The following UNC5B variants were observed in gnomAD, a reference collection of about 807,000 sequenced individuals.
The protein encoded by UNC5B is netrin receptor UNC5B.
In UNC5B, 56 loss-of-function variants were observed where a neutral mutation model predicts 103.7. The observed-to-expected ratio is 0.54, with a 90% confidence interval of 0.44 to 0.67. The LOEUF (loss-of-function observed/expected upper bound fraction) is 0.67, where lower values mean the gene tolerates loss of function less well. UNC5B is among the 30% of genes least tolerant of loss of function. UNC5B has a pLI of 0.00. For synonymous variants in UNC5B, 577 were observed against 542.0 expected (o/e 1.06, Z -0.90); for missense variants, 1,194 against 1,284.5 (o/e 0.93, Z 1.08).
chr10:71,288,535 GTGCACATGCTCCTGTA>G lies in UNC5B; in HGVS notation c.902-29_902-14del. On this transcript the variant is annotated splice_polypyrimidine_tract_variant and intron_variant, in intron 6 of 16. Transcript: ENST00000335350. ...TAACTATGTGTGCACATGTCTCTGC[GTGCACATGCTCCTGTA>G]TGCCATGCTCTTACAGTCGATGGGG... 1 of 1,599,406 alleles carries G rather than the reference GTGCACATGCTCCTGTA, an allele frequency of 6.3e-7. No individual in the cohort carries two copies. The highest frequency in any genetic ancestry group is 8.5e-7 in the Non-Finnish European group (1 of 1,169,932).
Position 71,222,332 on chromosome 10 carries a change from C to G in UNC5B, c.79+9268C>G, listed in dbSNP as rs1017136307. ...CAGAGGTCTCTTAGTGGAAAGAGCCCCAGCCTTTAGGATTTGAATCTTCCA... is the reference window on the plus strand; with the variant it reads ...CAGAGGTCTCTTAGTGGAAAGAGCCGCAGCCTTTAGGATTTGAATCTTCCA... On this transcript the variant is annotated intron_variant, in intron 1 of 16. Coordinates refer to ENST00000335350, the MANE Select transcript of UNC5B (RefSeq NM_170744.5). Among the ~76,000 whole-genome samples the G allele has an allele frequency of 5.3e-5, 8 of 150,688 alleles. No individual in the cohort carries two copies. In the East Asian group the frequency reaches 1.6e-3, roughly 29 times the overall value.
intron 1 of UNC5B, among the ~76,000 whole-genome samples, chr10:71,214,051 T>G (rs940623582): frequency 2.0e-5 from 3 of 152,104 alleles, no homozygotes; most frequent in African/African-American, 7.2e-5. Flanking sequence ...CCAGCCTCTC[T>G]CTGGTACCCG....
chr10:71,265,001 C>T (rs1211144033), intron 1 of UNC5B, among the ~76,000 whole-genome samples: 4 of 146,738 alleles, frequency 2.7e-5, no homozygotes, highest in African/African-American at 1.0e-4. Context: ...AGAGTATGGG[C>T]TTAAAGTCAA....
chr10:71,258,770 C>T (rs1170386844), intron 1 of UNC5B, among the ~76,000 whole-genome samples: 1 of 152,210 alleles, frequency 6.6e-6, no homozygotes, highest in Non-Finnish European at 1.5e-5. Context: ...CACCAAGGTC[C>T]CCACCCTGCC....
chr10:71,237,787 T>C (rs1843806495), intron 1 of UNC5B, among the ~76,000 whole-genome samples: 1 of 152,216 alleles, frequency 6.6e-6, no homozygotes, highest in African/African-American at 2.4e-5. Context: ...TCCTTTATTC[T>C]GTCTCAAGAA....
chr10:71,220,770 T>C (rs73276337), intron 1 of UNC5B, among the ~76,000 whole-genome samples: 8,067 of 152,226 alleles, frequency 0.053, 742 homozygotes, highest in African/African-American at 0.18. Flanking sequence ...GGAGAGAGCC[T>C]AGCAATGCAT....
At chr10:71,247,095 A>G (rs1212919903) in intron 1 of UNC5B, among the ~76,000 whole-genome samples, 1 of 152,242 alleles carries the variant, frequency 6.6e-6, no homozygotes, top group African/African-American at 2.4e-5. Flanking sequence ...TGCATGACCC[A>G]GGTTGTTCAC....
chr10:71,288,669 G>A lies in UNC5B; in HGVS notation c.1003G>A (p.Gly335Ser). 1 of 1,613,806 alleles carries A rather than the reference G, an allele frequency of 6.2e-7. No individual in the cohort carries two copies. Among genetic ancestry groups the A allele is most frequent in the Non-Finnish European group, 8.5e-7 (1 of 1,179,998 alleles). ...ECMAPPPQNG[G>S]RDCSGTLLDS... ...CATGGCGCCCCCACCCCAGAACGGA[G>A]GCCGTGACTGCAGCGGGACGCTGCT... is the stretch of plus-strand genomic sequence containing the variant. The change falls in exon 7 of 17, where the codon GGC (glycine) becomes AGC (serine). Residue 335 changes from glycine to serine, a missense_variant. Physicochemically the swap from Gly to Ser is moderately conservative, Grantham distance 56 (BLOSUM62 0). Transcript: ENST00000335350.
chr10:71,214,657 C>T (rs1161366534), intron 1 of UNC5B, among the ~76,000 whole-genome samples: 1 of 151,984 alleles, frequency 6.6e-6, no homozygotes, highest in Non-Finnish European at 1.5e-5. Context: ...TGCTTTTGTA[C>T]CAGCAGGACA....
chr10:71,274,390 T>C (rs1407995835), intron 1 of UNC5B, among the ~76,000 whole-genome samples: 1 of 151,912 alleles, frequency 6.6e-6, no homozygotes, highest in Non-Finnish European at 1.5e-5. Flanking sequence ...AAAATAGAAA[T>C]TAGAAGTCTA....
At chr10:71,228,475 G>A (rs936390536) in intron 1 of UNC5B, among the ~76,000 whole-genome samples, 4 of 151,990 alleles carry the variant, frequency 2.6e-5, no homozygotes, top group South Asian at 2.1e-4. Context: ...TGCCACAGAC[G>A]AAGGGCTGAT....
intron 1 of UNC5B, among the ~76,000 whole-genome samples, chr10:71,270,340 AAGGGAGGGAGGGAGGG>A (rs776665500): frequency 7.3e-5 from 6 of 82,472 alleles, no homozygotes; most frequent in East Asian, 3.9e-4. Flanking sequence ...GACTCTGCGG[AAGGGAGGGAGGGAGGG>A]AGGGAGGGAG....
chr10:71,294,828 C>T lies in UNC5B; in HGVS notation c.2175+895C>T, dbSNP rs1047263945. On this transcript the variant is annotated intron_variant, in intron 13 of 16. Transcript: ENST00000335350. ...CCTGATGATGGCAGGTATGGAGCCC[C>T]GTGTTAGCACCACTGTCCCCTGCCA... Among the ~76,000 whole-genome samples the T allele has an allele frequency of 3.9e-5, 6 of 152,000 alleles. No individual in the cohort carries two copies. In the South Asian group the frequency reaches 1.2e-3, roughly 32 times the overall value.
In UNC5B at chr10:71,300,184, C is replaced by G. The variant is rs1845556229; in HGVS notation, c.*907C>G. 6.6e-6 allele frequency: 1 copy of G among 152,186 alleles called. No homozygotes were observed. Among genetic ancestry groups the G allele is most frequent in the African/African-American group, 2.4e-5 (1 of 41,432 alleles). The allele number at this position is 152,186 out of a possible 1,614,324, so 9.4% of individuals were successfully genotyped here. On this transcript the variant is annotated 3_prime_UTR_variant, in exon 17 of 17. Transcript: ENST00000335350. ...TTCCCCAGTTGTGCAGGGAGTAGGT[C>G]AGACAGGGTTTTCACTGTCTAGATT...
chr10:71,266,120 T>A (rs1844517588), intron 1 of UNC5B, among the ~76,000 whole-genome samples: 1 of 151,984 alleles, frequency 6.6e-6, no homozygotes. Flanking sequence ...CCTCAAGAAA[T>A]CCCTAGAAGG....
At chr10:71,287,887 C>A in intron 6 of UNC5B, 122 bp downstream of exon 6, 1 of 1,351,422 alleles carries the variant, frequency 7.4e-7, no homozygotes, top group South Asian at 1.5e-5. Context: ...TTGTCCCGAG[C>A]CCACAGCCGG....
intron 1 of UNC5B, among the ~76,000 whole-genome samples, chr10:71,256,416 T>C (rs976258007): frequency 2.0e-5 from 3 of 152,220 alleles, no homozygotes; most frequent in African/African-American, 7.2e-5. Flanking sequence ...CTGGGCCCAG[T>C]GTACTTATGG....
At chr10:71,223,343 G>A (rs1843488615) in intron 1 of UNC5B, among the ~76,000 whole-genome samples, 1 of 152,192 alleles carries the variant, frequency 6.6e-6, no homozygotes, top group Non-Finnish European at 1.5e-5. Context: ...TCCCAGCTGT[G>A]CGTGGACCTG....
chr10:71,288,787 G>T (rs1423953702), intron 7 of UNC5B, 55 bp downstream of exon 7: 18 of 1,554,372 alleles, frequency 1.2e-5, no homozygotes, highest in South Asian at 3.6e-5. Flanking sequence ...GCCATGTAAG[G>T]GTCCCCCAAA....
Sources: gnomAD v4.1 joint callset for allele counts (sites outside exome capture counted in the v4.1 genomes callset) on GRCh38, gnomAD v4.1.1 for gene constraint, MANE v1.5 for transcripts, NCBI Gene and HGNC (gene_info 2026-07-23, HGNC 2026-07-21) for gene names.